Variants in SPRY3 observed in about 807,000 individuals in gnomAD.
SPRY3 encodes protein sprouty homolog 3.
Under a neutral mutation model 20.2 loss-of-function variants are expected in SPRY3, and 15 were observed. The observed-to-expected ratio is 0.74, with a 90% CI of 0.50 to 1.14. The LOEUF (loss-of-function observed/expected upper bound fraction) is 1.14, where lower values mean the gene tolerates loss of function less well. Among genes scored for constraint, SPRY3 ranks in the 50% most tolerant of loss-of-function variants. The probability of loss-of-function intolerance (pLI) is 0.00; values close to 1 mark genes in which losing one functional copy is unlikely to be tolerated. For missense variants in SPRY3, 364 were observed against 363.9 expected, an observed-to-expected ratio of 1.00 and a Z score of 0.00; for synonymous variants, 143 against 136.5, an observed-to-expected ratio of 1.05 and a Z score of -0.33.
At chrX:155,638,293 AATATAT>A (rs55937159) in intron 1 of SPRY3, among the ~76,000 whole-genome samples, 1 of 53,440 alleles carries the variant, frequency 1.9e-5, no homozygotes, top group African/African-American at 9.8e-5. Flanking sequence ...TGCCTCCTCT[AATATAT>A]ATATATATAT....
chrX:155,678,592 G>A (rs1416771157), intron 2 of SPRY3, among the ~76,000 whole-genome samples: 3 of 111,810 alleles, frequency 2.7e-5, no homozygotes, highest in African/African-American at 9.8e-5. Flanking sequence ...CCCAAAAGAA[G>A]AGGGGAGGAA....
At chrX:155,751,506 CAGGGCATCT>C (rs1377071121) in intron 2 of SPRY3, among the ~76,000 whole-genome samples, 1 of 151,874 alleles carries the variant, frequency 6.6e-6, no homozygotes, top group Non-Finnish European at 1.5e-5. Flanking sequence ...AGTCTCATGT[CAGGGCATCT>C]TACTGGTAGA....
Position 155,709,586 on chromosome X carries a change from G to C in SPRY3, c.-282+52561G>C, listed in dbSNP as rs191363203. The stretch of plus-strand genomic sequence containing the variant: ...CAATTCCTTGTCAGATGAGTAGTTT[G>C]CAAATATTTTCTTCCATTCTGTGGG... On this transcript the variant is annotated intron_variant, in intron 2 of 3. Coordinates refer to ENST00000675360, the Ensembl canonical transcript of SPRY3. 3.7e-3 allele frequency among the ~76,000 whole-genome samples: 559 copies of C among 151,160 alleles called. 1 individual carries two copies. Among genetic ancestry groups the C allele is most frequent in the African/African-American group, 0.013 (528 of 41,320 alleles).
chrX:155,757,450 A>T (rs1164247444), intron 2 of SPRY3, among the ~76,000 whole-genome samples: 1 of 152,084 alleles, frequency 6.6e-6, no homozygotes, highest in African/African-American at 2.4e-5. Context: ...ACCCTTTGTC[A>T]TGTTTGATGG....
intron 2 of SPRY3, among the ~76,000 whole-genome samples, chrX:155,724,145 C>A (rs1477147380): frequency 6.6e-6 from 1 of 151,926 alleles, no homozygotes; most frequent in Non-Finnish European, 1.5e-5. Context: ...TTGGTCTATA[C>A]CTCTGTTTTG....
chrX:155,719,000 C>A (rs1411486672), intron 2 of SPRY3, among the ~76,000 whole-genome samples: 2 of 152,024 alleles, frequency 1.3e-5, no homozygotes, highest in African/African-American at 4.8e-5. Context: ...TCATAAGAAC[C>A]AAAAATCAAG....
intron 2 of SPRY3, among the ~76,000 whole-genome samples, chrX:155,739,840 A>G (rs1034071079): frequency 1.3e-5 from 2 of 152,220 alleles, no homozygotes; most frequent in African/African-American, 4.8e-5. Flanking sequence ...AAGATTGAAG[A>G]TAAACCCACA....
intron 1 of SPRY3, among the ~76,000 whole-genome samples, chrX:155,643,383 C>A (rs613783): frequency 0.55 from 60,276 of 110,032 alleles, 14,261 homozygotes; most frequent in Middle Eastern, 0.76. Context: ...TTGTAGGCAG[C>A]ATATTATTGG....
chrX:155,718,757 G>A (rs1173717124), intron 2 of SPRY3, among the ~76,000 whole-genome samples: 3 of 152,070 alleles, frequency 2.0e-5, no homozygotes, highest in Non-Finnish European at 4.4e-5. Flanking sequence ...TAAATGTAAA[G>A]TATAAGATCA....
At chrX:155,657,632 C>T (rs868923211) in intron 2 of SPRY3, among the ~76,000 whole-genome samples, 1 of 111,737 alleles carries the variant, frequency 8.9e-6, no homozygotes, top group Non-Finnish European at 1.9e-5. Context: ...GTTCTGTCTC[C>T]CTGGGGTTCC....
intron 2 of SPRY3, among the ~76,000 whole-genome samples, chrX:155,697,309 T>G (rs911779616): frequency 1.8e-5 from 2 of 110,417 alleles, no homozygotes; most frequent in African/African-American, 6.6e-5. Context: ...AGCTCAGACA[T>G]TGGTCTTCCT....
chrX:155,695,342 T>C (rs1325281046), intron 2 of SPRY3, among the ~76,000 whole-genome samples: 1 of 111,918 alleles, frequency 8.9e-6, no homozygotes, highest in Non-Finnish European at 1.9e-5. Context: ...ATGAGAAGTC[T>C]GCAGTCACTC....
intron 2 of SPRY3, among the ~76,000 whole-genome samples, chrX:155,715,895 A>G (rs987646501): frequency 6.6e-6 from 1 of 152,162 alleles, no homozygotes; most frequent in Non-Finnish European, 1.5e-5. Flanking sequence ...GCCCTCCCCA[A>G]AGTGCAAAGA....
chrX:155,728,865 G>A (rs2091116222), intron 2 of SPRY3, among the ~76,000 whole-genome samples: 1 of 152,000 alleles, frequency 6.6e-6, no homozygotes, highest in South Asian at 2.1e-4. Flanking sequence ...TAAAAATAAA[G>A]GAATGGAAAA....
At position 155,614,933 on chromosome X, in the gene SPRY3, T is replaced by C. The variant is rs782729670; in HGVS notation, c.-441+2286T>C. Among the ~76,000 whole-genome samples the C allele has an allele frequency of 6.3e-5, 7 of 111,921 alleles. No homozygotes were observed. The South Asian group carries it at 2.6e-3, about 41-fold the overall frequency. On this transcript the variant is annotated intron_variant, in intron 1 of 3. Coordinates refer to ENST00000675360, the Ensembl canonical transcript of SPRY3. ...TTTTATGTTCCCGCCACACCAGCTGTTCCTAGAACACACCAAACTTGTTCT... is the reference window on the plus strand; with the variant it reads ...TTTTATGTTCCCGCCACACCAGCTGCTCCTAGAACACACCAAACTTGTTCT...
At chrX:155,779,776 A>G (rs1328645362), downstream of SPRY3, 1 of 167,014 alleles carries the variant, frequency 6.0e-6, no homozygotes, top group Non-Finnish European at 1.5e-5. Context: ...ACTAATTATG[A>G]CACAGACACA....
intron 1 of SPRY3, among the ~76,000 whole-genome samples, chrX:155,643,365 C>T (rs973928693): frequency 1.8e-5 from 2 of 111,184 alleles, no homozygotes; most frequent in Non-Finnish European, 3.8e-5. Context: ...GTAAGTGAAG[C>T]GTGTTTCTTG....
At chrX:155,663,702 C>T (rs1194840062) in intron 2 of SPRY3, among the ~76,000 whole-genome samples, 3 of 111,388 alleles carry the variant, frequency 2.7e-5, no homozygotes, top group Admixed American at 9.5e-5. Flanking sequence ...ACTCCAGAAC[C>T]GTTGAATCAG....
intron 2 of SPRY3, among the ~76,000 whole-genome samples, chrX:155,724,407 C>T (rs2091083752): frequency 1.3e-5 from 2 of 152,134 alleles, no homozygotes; most frequent in Admixed American, 6.5e-5. Flanking sequence ...TTCATTCTTC[C>T]TACCCATGAG....
Sources: gnomAD v4.1 joint callset for allele counts (sites outside exome capture counted in the v4.1 genomes callset) on GRCh38, gnomAD v4.1.1 for gene constraint, MANE v1.5 for transcripts, NCBI Gene and HGNC (gene_info 2026-07-23, HGNC 2026-07-21) for gene names.